The following PSD2 variants were observed in gnomAD, a reference collection of about 807,000 sequenced individuals.
PSD2 encodes pleckstrin and Sec7 domain containing 2.
In PSD2, 38 loss-of-function variants were observed where a neutral mutation model predicts 69.8. The ratio of observed to expected loss-of-function variants is 0.54; its 90% CI spans 0.42 to 0.71. PSD2 has a LOEUF of 0.71. Ranked by LOEUF, PSD2 falls within the 30% of genes least tolerant of loss-of-function variation. The pLI, the probability that PSD2 is intolerant of heterozygous loss-of-function variation, is 0.00. For missense variants in PSD2, 943 were observed against 1,014.5 expected (o/e 0.93, Z 0.96); for synonymous variants, 412 against 423.0 (o/e 0.97, Z 0.32).
intron 3 of PSD2, 142 bp downstream of exon 3, chr5:139,813,900 G>T: frequency 1.3e-6 from 1 of 773,950 alleles, no homozygotes; most frequent in Non-Finnish European, 2.0e-6. Flanking sequence ...CTGCATCCAG[G>T]CTTCCCACCC....
the PSD2 span, among the ~76,000 whole-genome samples, chr5:139,786,927 A>T: frequency 6.6e-6 from 1 of 152,032 alleles, no homozygotes; most frequent in East Asian, 1.9e-4. Flanking sequence ...CCTACTCCTA[A>T]ACTTGACTTT....
chr5:139,812,488 G>A (rs1184356198), intron 2 of PSD2, among the ~76,000 whole-genome samples: 2 of 152,208 alleles, frequency 1.3e-5, no homozygotes, highest in African/African-American at 4.8e-5. Flanking sequence ...TCAGCCAGAT[G>A]TTCCAAGCAC....
the PSD2 span, among the ~76,000 whole-genome samples, chr5:139,789,029 G>C: frequency 1.3e-5 from 2 of 152,220 alleles, no homozygotes; most frequent in Non-Finnish European, 2.9e-5. Context: ...TTGCAGACCA[G>C]ACCGGGGGCT....
At chr5:139,822,826 G>A in intron 7 of PSD2, 42 bp downstream of exon 7, 1 of 1,561,820 alleles carries the variant, frequency 6.4e-7, no homozygotes, top group South Asian at 1.2e-5. Context: ...TGTCCTCTCA[G>A]GGACCCACCT....
At chr5:139,817,432 C>A (rs781655084) in intron 4 of PSD2, 49 bp from the exon 5 acceptor site, 3 of 1,536,908 alleles carry the variant, frequency 2.0e-6, no homozygotes, top group Non-Finnish European at 2.7e-6. Context: ...ATTCTGTCAT[C>A]CTTGGGCTGG....
the PSD2 span, among the ~76,000 whole-genome samples, chr5:139,769,391 G>A: frequency 6.6e-6 from 1 of 152,108 alleles, no homozygotes; most frequent in Non-Finnish European, 1.5e-5. Context: ...GTCAGAGTGC[G>A]ATAAGTCCCA....
chr5:139,766,830 T>TCTCTCC, the PSD2 span, among the ~76,000 whole-genome samples: 3 of 20,592 alleles, frequency 1.5e-4, no homozygotes, highest in Admixed American at 1.4e-3. Context: ...GTCCCTTCCT[T>TCTCTCC]CTTTCTTTCT....
intron 9 of PSD2, among the ~76,000 whole-genome samples, chr5:139,836,056 T>A (rs577698315): frequency 6.6e-6 from 1 of 152,236 alleles, no homozygotes; most frequent in Non-Finnish European, 1.5e-5. Context: ...GTGTTCCAAT[T>A]CCCATTGATG....
At chr5:139,817,610 T>C in intron 5 of PSD2, 49 bp downstream of exon 5, 1 of 1,437,392 alleles carries the variant, frequency 7.0e-7, no homozygotes, top group Non-Finnish European at 9.8e-7. Context: ...CAGGCTGCAC[T>C]TCTGGATTCT....
the PSD2 span, among the ~76,000 whole-genome samples, chr5:139,763,970 A>G: frequency 3.3e-5 from 5 of 152,232 alleles, no homozygotes; most frequent in Admixed American, 6.5e-5. Context: ...CCAAGATCCA[A>G]TTGGGAAGTC....
intron 1 of PSD2, 32 bp downstream of exon 1, chr5:139,796,007 C>T (rs1204054680): frequency 6.6e-6 from 1 of 150,710 alleles, no homozygotes; most frequent in Non-Finnish European, 1.5e-5. Context: ...CGGGACCCGC[C>T]CCTCCCCGCT....
chr5:139,810,277 C>T (rs1759926011), intron 2 of PSD2, among the ~76,000 whole-genome samples: 1 of 152,228 alleles, frequency 6.6e-6, no homozygotes, highest in Non-Finnish European at 1.5e-5. Flanking sequence ...TACCAGGGAT[C>T]TCACTTCAGT....
the PSD2 span, among the ~76,000 whole-genome samples, chr5:139,752,713 A>ACACACAC: frequency 2.0e-5 from 3 of 152,154 alleles, no homozygotes; most frequent in African/African-American, 7.2e-5. Context: ...TCTGCACAGT[A>ACACACAC]AGACACAGGC....
Position 139,814,389 on chromosome 5 carries a change from A to T in PSD2, c.1016+25A>T. ...AGTGAGTGTGAGCTCCCCTGCCCCC[A>T]ACCCTGGGCAAACCTCGTGTCTTCC... On this transcript the variant is annotated intron_variant, in intron 4 of 14. Transcript: ENST00000274710. The surrounding 1 kb of genome is among the most constrained non-coding windows in gnomAD (Gnocchi z 4.4). 6.4e-7 allele frequency: 1 copy of T among 1,557,866 alleles called. No homozygotes were observed. Among genetic ancestry groups the T allele is most frequent in the Non-Finnish European group, 8.7e-7 (1 of 1,153,006 alleles).
chr5:139,781,571 G>A, the PSD2 span, among the ~76,000 whole-genome samples: 2 of 151,786 alleles, frequency 1.3e-5, no homozygotes, highest in South Asian at 2.1e-4. Flanking sequence ...TTCTGACCTC[G>A]TGATCCACCT....
At chr5:139,789,925 AAGGAAGTGAGGGGTGGGC>A in the PSD2 span, among the ~76,000 whole-genome samples, 1 of 151,948 alleles carries the variant, frequency 6.6e-6, no homozygotes. Flanking sequence ...GAGAGCGCTG[AAGGAAGTGAGGGGTGGGC>A]GGTGCGGATA....
chr5:139,746,817 A>T, the PSD2 span, among the ~76,000 whole-genome samples: 3 of 152,134 alleles, frequency 2.0e-5, no homozygotes, highest in Admixed American at 1.3e-4. This position sits in a 1 kb window ranked among gnomAD's most constrained non-coding sequence, Gnocchi z 4.5. Context: ...CAAGTGGCGT[A>T]GCGATGGAGG....
the PSD2 span, among the ~76,000 whole-genome samples, chr5:139,780,912 G>A: frequency 6.6e-6 from 1 of 152,320 alleles, no homozygotes; most frequent in Admixed American, 6.5e-5. Flanking sequence ...TTTTAGAGAT[G>A]AGGAAATTGA....
At chr5:139,743,188 G>A in the PSD2 span, among the ~76,000 whole-genome samples, 1 of 152,220 alleles carries the variant, frequency 6.6e-6, no homozygotes, top group East Asian at 1.9e-4. Flanking sequence ...TCTGTGGCCA[G>A]GTGGAAGCTC....
Sources: allele counts gnomAD v4.1 joint callset (sites outside exome capture counted in the v4.1 genomes callset), GRCh38; gene constraint gnomAD v4.1.1; non-coding constraint Gnocchi (gnomAD v3.1); transcripts MANE v1.5; gene names NCBI Gene and HGNC (gene_info 2026-07-23, HGNC 2026-07-21).